PRIM2: variants seen among roughly 807,000 people sequenced by gnomAD.
The protein encoded by PRIM2 is DNA primase large subunit.
In PRIM2, 39 loss-of-function variants were observed where a neutral mutation model predicts 67.3. The observed-to-expected ratio is 0.58, with a 90% CI of 0.45 to 0.76. PRIM2 has a LOEUF of 0.76. Ranked by LOEUF, PRIM2 falls within the 30% of genes least tolerant of loss-of-function variation. The pLI is 0.00. For missense variants in PRIM2, 398 were observed against 598.7 expected, an observed-to-expected ratio of 0.66 and a Z score of 3.50; for synonymous variants, 143 against 198.7, an observed-to-expected ratio of 0.72 and a Z score of 2.36.
intron 5 of PRIM2, among the ~76,000 whole-genome samples, chr6:57,367,663 C>G (rs907377188): frequency 6.6e-6 from 1 of 152,208 alleles, no homozygotes; most frequent in Non-Finnish European, 1.5e-5. Flanking sequence ...GACAACTAGT[C>G]TGGTCTAGGA....
rs1225378507 is a variant in PRIM2 at position 57,491,871 on chromosome 6, G to C, written c.694-15516G>C. 2.6e-5 allele frequency among the ~76,000 whole-genome samples: 4 copies of C among 152,176 alleles called. No individual in the cohort carries two copies. The East Asian group carries it at 7.7e-4, about 29-fold the overall frequency. The stretch of plus-strand genomic sequence containing the variant: ...CTTTTATTTAAAAGCTGACGAGGCT[G>C]GGTTCCTTATTTGTATAAGATGCCA... On this transcript the variant is annotated intron_variant, in intron 7 of 13. Coordinates refer to ENST00000615550, the MANE Select transcript of PRIM2 (RefSeq NM_000947.5).
chr6:57,330,384 T>TTTTTTTTTTG (rs1768018517), intron 5 of PRIM2, among the ~76,000 whole-genome samples: 5 of 35,140 alleles, frequency 1.4e-4, no homozygotes, highest in Admixed American at 3.2e-4. Flanking sequence ...TGTTTTTTTG[T>TTTTTTTTTTG]TTTTTTTTTT....
intron 12 of PRIM2, among the ~76,000 whole-genome samples, chr6:57,620,644 T>TA (rs1776835436): frequency 2.0e-5 from 3 of 151,904 alleles, no homozygotes; most frequent in African/African-American, 7.3e-5. Flanking sequence ...ACCTGTAAAA[T>TA]AAAAACACAA....
rs1187928601 is a variant in PRIM2, at chr6:57,573,768, GA to G, written c.1021-27320del. Among the ~76,000 whole-genome samples the G allele has an allele frequency of 2.0e-5, 3 of 152,278 alleles. No homozygotes were observed. The East Asian group carries it at 5.8e-4, about 29-fold the overall frequency. Reference sequence around the variant, plus strand: ...TAGCATAGGAAAACAAATATGGGCAGAAAAATCCCTTAATGTAATTAAATAG... The same window carrying G: ...TAGCATAGGAAAACAAATATGGGCAGAAAATCCCTTAATGTAATTAAATAG... On this transcript the variant is annotated intron_variant, in intron 10 of 13. Transcript: ENST00000615550.
intron 8 of PRIM2, among the ~76,000 whole-genome samples, chr6:57,519,554 T>A (rs1426688449): frequency 6.6e-6 from 1 of 152,040 alleles, no homozygotes; most frequent in Non-Finnish European, 1.5e-5. Flanking sequence ...GCGGTCAGAG[T>A]TTAAGGTTCT....
intron 5 of PRIM2, among the ~76,000 whole-genome samples, chr6:57,345,390 C>T (rs1768638548): frequency 6.6e-6 from 1 of 151,644 alleles, no homozygotes; most frequent in Admixed American, 6.6e-5. Context: ...TGGTCTCAAA[C>T]TCCTGGCTTC....
chr6:57,523,372 C>T (rs1354522441), intron 8 of PRIM2, among the ~76,000 whole-genome samples: 2 of 152,240 alleles, frequency 1.3e-5, no homozygotes, highest in Non-Finnish European at 2.9e-5. Context: ...CTCTTAATCA[C>T]GCTTCTCTAT....
intron 5 of PRIM2, among the ~76,000 whole-genome samples, chr6:57,351,960 T>C (rs903415932): frequency 1.4e-4 from 21 of 152,296 alleles, no homozygotes; most frequent in African/African-American, 4.6e-4. Context: ...TGAGGAAAAT[T>C]ATAGTATCTC....
chr6:57,630,081 G>A (rs2127499099), intron 12 of PRIM2, among the ~76,000 whole-genome samples: 1 of 149,938 alleles, frequency 6.7e-6, no homozygotes, highest in South Asian at 2.2e-4. Flanking sequence ...CTGAAGTGAA[G>A]ATAAAAGTAT....
At chr6:57,632,645 ATAAAAT>A (rs1423744194) in intron 13 of PRIM2, among the ~76,000 whole-genome samples, 94 of 152,352 alleles carry the variant, frequency 6.2e-4, no homozygotes, top group African/African-American at 2.1e-3. Context: ...AACTCTATTG[ATAAAAT>A]TAGGTAGTAG....
chr6:57,228,277 A>G, the PRIM2 span, among the ~76,000 whole-genome samples: 1 of 152,206 alleles, frequency 6.6e-6, no homozygotes, highest in African/African-American at 2.4e-5. Context: ...ACATTGTTGT[A>G]GAGCTTCCAT....
rs542102285 is a variant in PRIM2, at chr6:57,439,669, C to A, written c.693+57501C>A. Among the ~76,000 whole-genome samples the A allele has an allele frequency of 1.2e-3, 190 of 152,064 alleles. 1 individual carries two copies. Among genetic ancestry groups the A allele is most frequent in the African/African-American group, 4.4e-3 (183 of 41,516 alleles). ...ACCTCAAGCAATCCACCCTCCTTGGCCTCCCGAAGTGCCGATATTACAGGC... is the reference window on the plus strand; with the variant it reads ...ACCTCAAGCAATCCACCCTCCTTGGACTCCCGAAGTGCCGATATTACAGGC... On this transcript the variant is annotated intron_variant, in intron 7 of 13. Transcript: ENST00000615550.
intron 6 of PRIM2, among the ~76,000 whole-genome samples, chr6:57,380,909 G>A (rs2127335770): frequency 6.8e-6 from 1 of 146,378 alleles, no homozygotes; most frequent in South Asian, 2.3e-4. Flanking sequence ...GGGTCAGTTA[G>A]CCTGTGTCTT....
chr6:57,554,571 C>T (rs1415419981), intron 10 of PRIM2, among the ~76,000 whole-genome samples: 2 of 152,170 alleles, frequency 1.3e-5, no homozygotes, highest in African/African-American at 4.8e-5. Context: ...TGACTAACAA[C>T]TCTTTCAATC....
chr6:57,400,201 G>C (rs1770658945), intron 7 of PRIM2, among the ~76,000 whole-genome samples: 1 of 152,260 alleles, frequency 6.6e-6, no homozygotes, highest in South Asian at 2.1e-4. Flanking sequence ...TATTGTCACT[G>C]ATCCGTGTAT....
At chr6:57,360,201 A>C (rs917396480) in intron 5 of PRIM2, among the ~76,000 whole-genome samples, 3 of 152,218 alleles carry the variant, frequency 2.0e-5, no homozygotes, top group Non-Finnish European at 4.4e-5. Flanking sequence ...AGTACTGTGT[A>C]GGTGCTATGG....
At chr6:57,258,276 TA>T in the PRIM2 span, among the ~76,000 whole-genome samples, 4 of 152,088 alleles carry the variant, frequency 2.6e-5, no homozygotes, top group Non-Finnish European at 5.9e-5. Context: ...CTTGAACCCG[TA>T]AAGTATGAGG....
At chr6:57,293,347 A>G in the PRIM2 span, among the ~76,000 whole-genome samples, 2 of 152,206 alleles carry the variant, frequency 1.3e-5, no homozygotes, top group African/African-American at 4.8e-5. Context: ...TAGATGCTGT[A>G]GAGGATGTGG....
chr6:57,454,282 G>T (rs1288944498), intron 7 of PRIM2, among the ~76,000 whole-genome samples: 1 of 152,088 alleles, frequency 6.6e-6, no homozygotes, highest in Admixed American at 6.6e-5. Flanking sequence ...GCTTTGGTAT[G>T]AGGATGATGC....
Sources: allele counts gnomAD v4.1 joint callset (sites outside exome capture counted in the v4.1 genomes callset), GRCh38; gene constraint gnomAD v4.1.1; transcripts MANE v1.5; gene names NCBI Gene and HGNC (gene_info 2026-07-23, HGNC 2026-07-21).